Variants in CCDC57 observed in about 807,000 individuals in gnomAD.
The protein encoded by CCDC57 is coiled-coil domain-containing protein 57.
Under a neutral mutation model 118.9 loss-of-function variants are expected in CCDC57, and 118 were observed. That is an observed-to-expected ratio of 0.99 (90% confidence interval 0.86 to 1.16). CCDC57 has a LOEUF of 1.16. Ranked by LOEUF, CCDC57 falls within the 50% of genes most tolerant of loss-of-function variation. CCDC57 has a pLI of 0.00. For synonymous variants in CCDC57, 527 were observed against 532.9 expected (o/e 0.99, Z 0.15); for missense variants, 1,300 against 1,320.7 (o/e 0.98, Z 0.24).
In CCDC57 at chr17:82,151,312, C is replaced by CCA. The variant is rs745459102; in HGVS notation, c.2455+247_2455+248insTG. Among the ~76,000 whole-genome samples the CCA allele has an allele frequency of 1.8e-4, 27 of 150,994 alleles. 1 individual carries two copies. Among genetic ancestry groups the CCA allele is most frequent in the South Asian group, 8.4e-4 (4 of 4,740 alleles). ...GCGCATACCCAGAACCTGACCCGCACCCAGAACCAGATGCACACCCAGAAC... is the reference window on the plus strand; with the variant it reads ...GCGCATACCCAGAACCTGACCCGCACCACCAGAACCAGATGCACACCCAGAAC... On this transcript the variant is annotated intron_variant, in intron 16 of 19. Transcript: ENST00000665763.
chr17:82,125,355 T>C (rs1359059694), intron 19 of CCDC57, among the ~76,000 whole-genome samples: 1 of 151,466 alleles, frequency 6.6e-6, no homozygotes, highest in South Asian at 2.1e-4. Context: ...CTGGGCAACA[T>C]AGGGAGACAC....
intron 15 of CCDC57, chr17:82,155,587 G>T (rs2042582939): frequency 6.6e-6 from 1 of 152,478 alleles, no homozygotes; most frequent in Admixed American, 6.5e-5. Context: ...AGTCCGGGCT[G>T]TGGGCCCTCT....
At chr17:82,178,484 G>C (rs752120732) in exon 11 of CCDC57, 1 of 1,611,798 alleles carries the variant, frequency 6.2e-7, no homozygotes. Flanking sequence ...CTGTGCCCCT[G>C]GTCTGGGGAG....
At chr17:82,124,520 C>T (rs1016676823) in intron 19 of CCDC57, among the ~76,000 whole-genome samples, 4 of 152,140 alleles carry the variant, frequency 2.6e-5, no homozygotes, top group South Asian at 2.1e-4. Context: ...AGGCCAGGCA[C>T]GGTGGCTCAT....
At chr17:82,199,698 C>T (rs1272073528) in intron 3 of CCDC57, among the ~76,000 whole-genome samples, 1 of 152,178 alleles carries the variant, frequency 6.6e-6, no homozygotes, top group South Asian at 2.1e-4. Flanking sequence ...ACTGCACGCA[C>T]CTGCACGGAC....
chr17:82,203,278 C>T (rs1009271934), intron 2 of CCDC57, among the ~76,000 whole-genome samples: 1 of 152,144 alleles, frequency 6.6e-6, no homozygotes, highest in Non-Finnish European at 1.5e-5. Flanking sequence ...TTTCCTGAGG[C>T]CTCCCCAGAA....
chr17:82,157,821 G>C (rs928505389), exon 15 of CCDC57: 1 of 1,604,260 alleles, frequency 6.2e-7, no homozygotes, highest in Non-Finnish European at 8.5e-7. Flanking sequence ...CCCGTGCTGG[G>C]CTATCCTGAG....
chr17:82,169,616 G>C (rs1568344029), intron 13 of CCDC57, among the ~76,000 whole-genome samples: 1 of 152,162 alleles, frequency 6.6e-6, no homozygotes, highest in African/African-American at 2.4e-5. Flanking sequence ...GGTGATGCTG[G>C]GGAGGCATCC....
chr17:82,185,951 G>A (rs578065260), intron 8 of CCDC57, among the ~76,000 whole-genome samples: 1 of 152,156 alleles, frequency 6.6e-6, no homozygotes, highest in African/African-American at 2.4e-5. Flanking sequence ...ACAGAGTCTT[G>A]CTCTGCCTCC....
At chr17:82,191,652 A>G (rs539894320) in intron 7 of CCDC57, among the ~76,000 whole-genome samples, 1 of 152,176 alleles carries the variant, frequency 6.6e-6, no homozygotes, top group East Asian at 1.9e-4. Flanking sequence ...TCCACTTAAC[A>G]AACGGTAAAC....
intron 16 of CCDC57, among the ~76,000 whole-genome samples, chr17:82,150,370 T>A (rs199772979): frequency 4.9e-5 from 1 of 20,346 alleles, no homozygotes; most frequent in Non-Finnish European, 9.4e-5. Flanking sequence ...CAGAACCTGG[T>A]GCACACCCAG....
chr17:82,163,548 A>C (rs2043604578), intron 13 of CCDC57, among the ~76,000 whole-genome samples, 191 bp from the exon 13 acceptor site: 1 of 152,226 alleles, frequency 6.6e-6, no homozygotes, highest in Non-Finnish European at 1.5e-5. Flanking sequence ...GCTGTACAGA[A>C]AGCATAATCC....
chr17:82,109,156 AAGG>A (rs1364033108), intron 19 of CCDC57, among the ~76,000 whole-genome samples: 1 of 152,216 alleles, frequency 6.6e-6, no homozygotes. Flanking sequence ...TCACTGAAGG[AAGG>A]AGGAGAAAGA....
chr17:82,166,684 G>A (rs894941198), intron 13 of CCDC57, among the ~76,000 whole-genome samples: 20 of 151,294 alleles, frequency 1.3e-4, no homozygotes, highest in African/African-American at 4.9e-4. Context: ...GAGGCAGGAG[G>A]ATCAATTGAG....
chr17:82,150,875 G>A (rs1244212047), intron 16 of CCDC57, among the ~76,000 whole-genome samples: 5 of 72,158 alleles, frequency 6.9e-5, no homozygotes, highest in Admixed American at 1.8e-4. Flanking sequence ...AGAACCTGGT[G>A]CACACCCAGA....
chr17:82,175,070 C>T (rs559786790), intron 11 of CCDC57, among the ~76,000 whole-genome samples: 10 of 152,328 alleles, frequency 6.6e-5, no homozygotes, highest in Non-Finnish European at 1.0e-4. Context: ...GTAAGAAAAT[C>T]GCTAGGTGCG....
At chr17:82,194,197 TA>T in intron 5 of CCDC57, 58 bp from the exon 5 acceptor site, 2 of 1,546,286 alleles carry the variant, frequency 1.3e-6, no homozygotes, top group Non-Finnish European at 1.8e-6. Context: ...ACTGAGGCAT[TA>T]GGGGTACATA....
At chr17:82,204,075 C>T (rs1050225193) in intron 2 of CCDC57, among the ~76,000 whole-genome samples, 3 of 152,094 alleles carry the variant, frequency 2.0e-5, no homozygotes, top group African/African-American at 4.8e-5. Flanking sequence ...GCTGGGGGCA[C>T]GAGGGCTCCC....
chr17:82,146,913 A>G (rs2040830077), intron 16 of CCDC57, among the ~76,000 whole-genome samples: 1 of 152,232 alleles, frequency 6.6e-6, no homozygotes. Context: ...AGTCTCACAT[A>G]CAAATGCACG....
Sources: allele counts gnomAD v4.1 joint callset (sites outside exome capture counted in the v4.1 genomes callset), GRCh38; gene constraint gnomAD v4.1.1; transcripts MANE v1.5; gene names NCBI Gene and HGNC (gene_info 2026-07-23, HGNC 2026-07-21).